The following SIPA1L2 variants were observed in gnomAD, a reference collection of about 807,000 sequenced individuals.
SIPA1L2 encodes the protein signal-induced proliferation-associated 1-like protein 2.
SIPA1L2 carries 56 observed loss-of-function variants against 163.9 expected under a neutral mutation model. The ratio of observed to expected loss-of-function variants is 0.34; its 90% CI spans 0.28 to 0.43. The LOEUF is 0.43. Among genes scored for constraint, SIPA1L2 ranks in the 20% least tolerant of loss-of-function variants. SIPA1L2 has a pLI of 1.00. For synonymous variants in SIPA1L2, 877 were observed against 865.7 expected, an observed-to-expected ratio of 1.01 and a Z score of -0.23; for missense variants, 1,974 against 2,193.5, an observed-to-expected ratio of 0.90 and a Z score of 2.00.
chr1:232,615,313 T>C (rs1047501334), intron 1 of SIPA1L2, among the ~76,000 whole-genome samples: 2 of 152,214 alleles, frequency 1.3e-5, no homozygotes, highest in African/African-American at 4.8e-5. Flanking sequence ...TTCAAGAGTT[T>C]TTCAAGGTGC....
At chr1:232,442,936 T>C (rs1023101564) in intron 12 of SIPA1L2, among the ~76,000 whole-genome samples, 1 of 152,224 alleles carries the variant, frequency 6.6e-6, no homozygotes, top group Non-Finnish European at 1.5e-5. Context: ...TGATATAAGC[T>C]GCTCCTCAGA....
At chr1:232,436,867 G>T (rs542959422) in intron 15 of SIPA1L2, among the ~76,000 whole-genome samples, 1 of 152,204 alleles carries the variant, frequency 6.6e-6, no homozygotes, top group Admixed American at 6.5e-5. Flanking sequence ...AGCCTAGGAT[G>T]CAAGTTGAAA....
At chr1:232,487,133 A>G (rs1033353682) in intron 5 of SIPA1L2, among the ~76,000 whole-genome samples, 1 of 152,228 alleles carries the variant, frequency 6.6e-6, no homozygotes, top group African/African-American at 2.4e-5. Context: ...AGCTGGACAC[A>G]CATACATACT....
At chr1:232,424,249 G>A (rs1490571273) in intron 18 of SIPA1L2, among the ~76,000 whole-genome samples, 1 of 142,740 alleles carries the variant, frequency 7.0e-6, no homozygotes, top group African/African-American at 2.6e-5. Context: ...GGAGGTATAT[G>A]GAAAACCCCT....
At chr1:232,439,066 G>A (rs1244184711) in intron 15 of SIPA1L2, 42 bp downstream of exon 15, 1 of 1,543,656 alleles carries the variant, frequency 6.5e-7, no homozygotes, top group Admixed American at 1.8e-5. Context: ...CAGGGCCCAG[G>A]TGGCACCAGC....
rs1660177245 is a variant in SIPA1L2 at position 232,399,073 on chromosome 1, C to T, written c.*54G>A. ...ACACAGAAAAACCACATGTTTGTGA[C>T]TTCAAAGGGACAAGGGGCATTTCCC... is the stretch of plus-strand genomic sequence containing the variant. On this transcript the variant is annotated 3_prime_UTR_variant, in exon 23 of 23. Transcript: ENST00000674635. The T allele has an allele frequency of 6.2e-7, 1 of 1,610,306 alleles. No individual in the cohort carries two copies.
intron 1 of SIPA1L2, among the ~76,000 whole-genome samples, chr1:232,576,159 G>A (rs1429814619): frequency 3.3e-5 from 5 of 152,194 alleles, no homozygotes; most frequent in African/African-American, 7.2e-5. Context: ...CTCAGACACA[G>A]TACTAGGTAT....
intron 10 of SIPA1L2, among the ~76,000 whole-genome samples, chr1:232,460,043 C>T (rs1299486536): frequency 2.0e-5 from 3 of 152,106 alleles, no homozygotes; most frequent in Admixed American, 1.3e-4. Flanking sequence ...AAAGCCAGAG[C>T]TCTTAAGGCT....
intron 3 of SIPA1L2, among the ~76,000 whole-genome samples, chr1:232,495,528 G>A (rs1666139289): frequency 6.8e-6 from 1 of 146,876 alleles, no homozygotes; most frequent in Admixed American, 7.0e-5. Flanking sequence ...TCACCCCACT[G>A]CACTCCAGCC....
At chr1:232,572,734 CATACATATATATATATAT>C (rs1659832363) in intron 2 of SIPA1L2, among the ~76,000 whole-genome samples, 34 of 67,326 alleles carry the variant, frequency 5.1e-4, no homozygotes, top group African/African-American at 1.4e-3. Flanking sequence ...TATATACATA[CATACATATATATATATAT>C]ATATATATAT....
chr1:232,419,935 A>T (rs1356004358), intron 18 of SIPA1L2, among the ~76,000 whole-genome samples: 5 of 152,216 alleles, frequency 3.3e-5, no homozygotes, highest in Non-Finnish European at 2.9e-5. Flanking sequence ...GGAGAGAATA[A>T]CTAGTAAGAC....
intron 2 of SIPA1L2, among the ~76,000 whole-genome samples, chr1:232,534,135 A>C (rs1463038733): frequency 6.6e-6 from 1 of 152,220 alleles, no homozygotes; most frequent in Non-Finnish European, 1.5e-5. Flanking sequence ...TCTGAATATA[A>C]AACTTATTAC....
chr1:232,594,555 C>T (rs1661146773), intron 1 of SIPA1L2, among the ~76,000 whole-genome samples: 1 of 152,154 alleles, frequency 6.6e-6, no homozygotes. Context: ...TTTCCATCCT[C>T]ACTCTCCTTC....
chr1:232,616,625 C>T (rs1214420880), intron 1 of SIPA1L2, among the ~76,000 whole-genome samples: 1 of 152,214 alleles, frequency 6.6e-6, no homozygotes, highest in Non-Finnish European at 1.5e-5. Flanking sequence ...CCTGTCCGGA[C>T]TTTGGGCTGT....
intron 10 of SIPA1L2, among the ~76,000 whole-genome samples, chr1:232,448,459 C>G (rs533712810): frequency 6.6e-6 from 1 of 152,298 alleles, no homozygotes; most frequent in East Asian, 1.9e-4. Context: ...AAGCAGAACT[C>G]CACTGTCAGC....
chr1:232,417,785 A>G (rs1661345114), intron 18 of SIPA1L2, among the ~76,000 whole-genome samples: 1 of 152,190 alleles, frequency 6.6e-6, no homozygotes, highest in Non-Finnish European at 1.5e-5. Flanking sequence ...CACCGAGTGT[A>G]AAGAAATTAA....
chr1:232,451,766 T>A (rs1442689866), intron 10 of SIPA1L2, among the ~76,000 whole-genome samples: 1 of 152,098 alleles, frequency 6.6e-6, no homozygotes, highest in Non-Finnish European at 1.5e-5. Flanking sequence ...GTGGGATCAC[T>A]TTTATGTAGG....
Position 232,514,490 on chromosome 1 carries a change from A to G in SIPA1L2, c.850T>C (p.Ser284Pro). 1 of 1,614,186 alleles carries G rather than the reference A, an allele frequency of 6.2e-7. No individual in the cohort carries two copies. The highest frequency in any genetic ancestry group is 8.5e-7 in the Non-Finnish European group (1 of 1,180,026). ...AAGAGAGATGTTTCCACCGACTCTG[A>G]TTTCAACCTCCGTTTGAAAGGCTTG... ...RDKPFKRRLK[S>P]ESVETSLFRK... is the part of the protein sequence containing the mutation. Residue 284 changes from serine to proline, a missense_variant, in exon 3 of 23, where the codon TCA becomes CCA. Coordinates refer to ENST00000674635, the MANE Select transcript of SIPA1L2 (RefSeq NM_020808.5).
intron 10 of SIPA1L2, 144 bp downstream of exon 10, chr1:232,460,743 T>G: frequency 1.0e-6 from 1 of 980,694 alleles, no homozygotes; most frequent in Non-Finnish European, 1.5e-6. Context: ...CCCAACAACA[T>G]TGTACAAATG....
Sources: allele counts gnomAD v4.1 joint callset (sites outside exome capture counted in the v4.1 genomes callset), GRCh38; gene constraint gnomAD v4.1.1; transcripts MANE v1.5; gene names NCBI Gene and HGNC (gene_info 2026-07-23, HGNC 2026-07-21).